AGAP1: variants seen among roughly 807,000 people sequenced by gnomAD.
AGAP1 encodes ArfGAP with GTPase domain, ankyrin repeat and PH domain 1.
In AGAP1, 29 loss-of-function variants were observed where a neutral mutation model predicts 105.3. That is an observed-to-expected ratio of 0.28 (90% CI 0.21 to 0.38). AGAP1 has a LOEUF of 0.38. Among genes scored for constraint, AGAP1 ranks in the 10% least tolerant of loss-of-function variants. The probability of loss-of-function intolerance (pLI) is 1.00; values close to 1 mark genes in which losing one functional copy is unlikely to be tolerated. For synonymous variants in AGAP1, 509 were observed against 485.9 expected (o/e 1.05, Z -0.63); for missense variants, 998 against 1,165.1 (o/e 0.86, Z 2.09).
intron 1 of AGAP1, among the ~76,000 whole-genome samples, chr2:235,539,421 G>A (rs963579888): frequency 1.3e-5 from 2 of 152,218 alleles, no homozygotes; most frequent in African/African-American, 2.4e-5. Context: ...TCTCATCCCT[G>A]CCTAGCGCTG....
rs375210566 is a variant in AGAP1 at position 236,101,308 on chromosome 2, A to G, written c.2115-18884A>G. On this transcript the variant is annotated intron_variant, in intron 16 of 17. Transcript: ENST00000304032. This position sits in a 1 kb window ranked among gnomAD's most constrained non-coding sequence, Gnocchi z 4.9. The stretch of plus-strand genomic sequence containing the variant: ...CCAAAGCAATGGTCCTATGTCTTTA[A>G]ACAATAATATTACCACAGGCCGCAG... Among the ~76,000 whole-genome samples the G allele has an allele frequency of 7.2e-5, 11 of 152,290 alleles. No homozygotes were observed. The highest frequency in any genetic ancestry group is 2.6e-4 in the African/African-American group (11 of 41,564).
intron 1 of AGAP1, among the ~76,000 whole-genome samples, chr2:235,567,674 G>C (rs1265730614): frequency 6.6e-6 from 1 of 151,708 alleles, no homozygotes; most frequent in Non-Finnish European, 1.5e-5. Context: ...GGTCTAGGGA[G>C]TGGTGGGGAG....
At chr2:235,670,035 T>C (rs1321876079) in intron 1 of AGAP1, 2 of 355,724 alleles carry the variant, frequency 5.6e-6, no homozygotes, top group Non-Finnish European at 9.9e-6. Context: ...CCCTCCCCGC[T>C]TGGCCCGGCG....
intron 1 of AGAP1, among the ~76,000 whole-genome samples, chr2:235,616,427 G>T: frequency 6.6e-6 from 1 of 152,002 alleles, no homozygotes; most frequent in East Asian, 1.9e-4. Flanking sequence ...CAAAGGCCCA[G>T]TGTTGGTGAA....
chr2:235,758,417 G>A (rs73996353), intron 6 of AGAP1, among the ~76,000 whole-genome samples: 2,359 of 152,192 alleles, frequency 0.016, 57 homozygotes, highest in African/African-American at 0.051. Context: ...CTTCCCAGAG[G>A]TACATGGTGC....
chr2:235,557,585 T>C lies in AGAP1; in HGVS notation c.163+62736T>C, dbSNP rs543335035. On this transcript the variant is annotated intron_variant, in intron 1 of 17. Transcript: ENST00000304032. The surrounding 1 kb of genome is among the most constrained non-coding windows in gnomAD (Gnocchi z 4.7). ...GCCTTTTTTTCTGTGCCAATAACTC[T>C]CAGTGCTTAACCTGAAGAAGCCCAC... is the stretch of plus-strand genomic sequence containing the variant. Among the ~76,000 whole-genome samples the C allele has an allele frequency of 1.5e-4, 23 of 152,308 alleles. No individual in the cohort carries two copies. The highest frequency in any genetic ancestry group is 2.8e-4 in the Non-Finnish European group (19 of 68,032).
rs796721149 is a variant in AGAP1, at chr2:235,704,962, C to CTTTTTTTTTTTT, written c.164-4211_164-4210insTTTTTTTTTTTT. Reference sequence around the variant, plus strand: ...AACGTCGATTGTAAAATACAAGATGCTTTTTTCTTTTTTTTTTTTTTTTTT... The same window carrying CTTTTTTTTTTTT: ...AACGTCGATTGTAAAATACAAGATGCTTTTTTTTTTTTTTTTTTCTTTTTTTTTTTTTTTTTT... On this transcript the variant is annotated intron_variant, in intron 1 of 17. Coordinates refer to ENST00000304032, the MANE Select transcript of AGAP1 (RefSeq NM_001037131.3). Among the ~76,000 whole-genome samples the CTTTTTTTTTTTT allele has an allele frequency of 3.6e-4, 31 of 86,010 alleles. 13 individuals are homozygous for CTTTTTTTTTTTT. The highest frequency in any genetic ancestry group is 3.2e-4 in the Non-Finnish European group (14 of 43,478). 56.4% of individuals were successfully genotyped at this position (86,010 alleles called of 152,430 possible).
In AGAP1 at chr2:236,000,478, C is replaced by G. The variant is rs563833409; in HGVS notation, c.1645+31855C>G. ...GAGACAGTGGTACTGCGTCCCCCTC[C>G]TCCAGTCCAGTCCCCCACCCTGAGC... On this transcript the variant is annotated intron_variant, in intron 13 of 17. Transcript: ENST00000304032. The surrounding 1 kb of genome is among the most constrained non-coding windows in gnomAD (Gnocchi z 4.3). Among the ~76,000 whole-genome samples the G allele has an allele frequency of 3.3e-5, 5 of 152,182 alleles. No homozygotes were observed. Among genetic ancestry groups the G allele is most frequent in the Non-Finnish European group, 7.3e-5 (5 of 68,046 alleles).
intron 9 of AGAP1, among the ~76,000 whole-genome samples, chr2:235,878,683 C>T (rs559720027): frequency 1.8e-4 from 27 of 152,326 alleles, no homozygotes; most frequent in African/African-American, 6.3e-4. Flanking sequence ...ATTTGCTCAT[C>T]TGCTCTCACT....
chr2:236,104,943 C>G lies in AGAP1; in HGVS notation c.2115-15249C>G, dbSNP rs2059447909. Among the ~76,000 whole-genome samples, 1 of 152,140 alleles carries G rather than the reference C, an allele frequency of 6.6e-6. No homozygotes were observed. The highest frequency in any genetic ancestry group is 1.5e-5 in the Non-Finnish European group (1 of 68,038). On this transcript the variant is annotated intron_variant, in intron 16 of 17. Coordinates refer to ENST00000304032, the MANE Select transcript of AGAP1 (RefSeq NM_001037131.3). This position sits in a 1 kb window ranked among gnomAD's most constrained non-coding sequence, Gnocchi z 4.7. ...TAGCGTGCACAGAGCCCTCGAGGTA[C>G]CAGAGCAGAGCTGTGGATGCCCGTC...
At position 235,663,642 on chromosome 2, in the gene AGAP1, G is replaced by T. The variant is rs1948034109; in HGVS notation, c.164-45537G>T. 6.6e-6 allele frequency among the ~76,000 whole-genome samples: 1 copy of T among 152,126 alleles called. No individual in the cohort carries two copies. Among genetic ancestry groups the T allele is most frequent in the Non-Finnish European group, 1.5e-5 (1 of 68,026 alleles). On this transcript the variant is annotated intron_variant, in intron 1 of 17. Transcript: ENST00000304032. The surrounding 1 kb of genome is among the most constrained non-coding windows in gnomAD (Gnocchi z 5.4). ...GTCATGGATTTTCTAAATCTTTGAG[G>T]TTAGTGGATCTAAAGAAAAGCTTGG...
intron 1 of AGAP1, among the ~76,000 whole-genome samples, chr2:235,514,577 C>CT (rs939630093): frequency 2.6e-5 from 4 of 152,256 alleles, no homozygotes; most frequent in Middle Eastern, 3.2e-3. Flanking sequence ...AGTCCTGCCC[C>CT]TTGGCAAGCC....
chr2:235,912,384 A>G (rs898487480), intron 11 of AGAP1, among the ~76,000 whole-genome samples: 9 of 152,228 alleles, frequency 5.9e-5, no homozygotes, highest in African/African-American at 2.2e-4. Flanking sequence ...CCAGCTAAAA[A>G]TAGGTATTAG....
chr2:235,964,905 T>C lies in AGAP1; in HGVS notation c.1484-3557T>C, dbSNP rs1398603419. On this transcript the variant is annotated intron_variant, in intron 12 of 17. Transcript: ENST00000304032. The surrounding 1 kb of genome is among the most constrained non-coding windows in gnomAD (Gnocchi z 4.6). Reference sequence around the variant, plus strand: ...TGGTGCTTAAATGGAGAGCAGGCAGTCATGGAGCGGCTTTGTGAAAACAGG... The same window carrying C: ...TGGTGCTTAAATGGAGAGCAGGCAGCCATGGAGCGGCTTTGTGAAAACAGG... Among the ~76,000 whole-genome samples, 1 of 152,096 alleles carries C rather than the reference T, an allele frequency of 6.6e-6. No homozygotes were observed. Among genetic ancestry groups the C allele is most frequent in the East Asian group, 1.9e-4 (1 of 5,188 alleles).
chr2:235,727,910 T>C (rs1315818373), intron 3 of AGAP1, among the ~76,000 whole-genome samples: 2 of 152,120 alleles, frequency 1.3e-5, no homozygotes, highest in African/African-American at 4.8e-5. Flanking sequence ...GGGGCCTGGC[T>C]GTGGGTCAGA....
chr2:235,548,295 G>A (rs547849942), intron 1 of AGAP1, among the ~76,000 whole-genome samples: 29 of 152,210 alleles, frequency 1.9e-4, no homozygotes, highest in Admixed American at 4.6e-4. Context: ...CTGCTGAATC[G>A]GCTCACTTTC....
intron 12 of AGAP1, among the ~76,000 whole-genome samples, chr2:235,944,991 A>T (rs2053423231): frequency 6.6e-6 from 1 of 152,214 alleles, no homozygotes; most frequent in African/African-American, 2.4e-5. Context: ...TATTGATCAA[A>T]TCTTGCTAAT....
At chr2:236,016,669 A>G (rs2056714867) in intron 13 of AGAP1, among the ~76,000 whole-genome samples, 1 of 152,174 alleles carries the variant, frequency 6.6e-6, no homozygotes. Context: ...GGTAATACAC[A>G]GCATCTGCTC....
chr2:236,014,312 T>G lies in AGAP1; in HGVS notation c.1646-22249T>G, dbSNP rs948242176. Among the ~76,000 whole-genome samples, 3 of 152,192 alleles carry G rather than the reference T, an allele frequency of 2.0e-5. No homozygotes were observed. The highest frequency in any genetic ancestry group is 7.2e-5 in the African/African-American group (3 of 41,454). On this transcript the variant is annotated intron_variant, in intron 13 of 17. Transcript: ENST00000304032. The surrounding 1 kb of genome is among the most constrained non-coding windows in gnomAD (Gnocchi z 6.3). Reference sequence around the variant, plus strand: ...CTGTCTCGGGAAGACAACTTCACTTTTAACAGCTCTTGGTTTTAAAACCTA... The same window carrying G: ...CTGTCTCGGGAAGACAACTTCACTTGTAACAGCTCTTGGTTTTAAAACCTA...
Sources: gnomAD v4.1 joint callset for allele counts (sites outside exome capture counted in the v4.1 genomes callset) on GRCh38, gnomAD v4.1.1 for gene constraint, Gnocchi (gnomAD v3.1) non-coding constraint, MANE v1.5 for transcripts, NCBI Gene and HGNC (gene_info 2026-07-23, HGNC 2026-07-21) for gene names.